Variants in ACSS3 observed in about 807,000 individuals in gnomAD.
The protein encoded by ACSS3 is acyl-CoA synthetase short chain family member 3.
A neutral mutation model predicts 84.2 loss-of-function variants in ACSS3; 64 were observed. The observed-to-expected ratio is 0.76, with a 90% confidence interval of 0.62 to 0.94. The LOEUF is 0.94. ACSS3 is among the 40% of genes least tolerant of loss of function. The pLI is 0.00. For synonymous variants in ACSS3, 317 were observed against 310.1 expected (o/e 1.02, Z -0.23); for missense variants, 815 against 867.6 (o/e 0.94, Z 0.76).
rs1047531676 is a variant in ACSS3, at chr12:81,249,299, G to A, written c.1720-4008G>A. ...TTTTCATGTGAAGAAACCTTCAGGC[G>A]TTTTCATACAAAGAAATGTACAGGA... On this transcript the variant is annotated intron_variant, in intron 13 of 15. Transcript: ENST00000548058. Among the ~76,000 whole-genome samples the A allele has an allele frequency of 6.6e-5, 10 of 152,062 alleles. No homozygotes were observed. The East Asian group carries it at 7.7e-4, about 12-fold the overall frequency.
chr12:81,102,008 T>C (rs939314289), intron 1 of ACSS3, among the ~76,000 whole-genome samples: 1 of 151,718 alleles, frequency 6.6e-6, no homozygotes, highest in African/African-American at 2.4e-5. Context: ...GCTCTCCCCA[T>C]ACCCTGGCTT....
intron 2 of ACSS3, among the ~76,000 whole-genome samples, chr12:81,132,841 G>C (rs965330993): frequency 6.6e-6 from 1 of 152,086 alleles, no homozygotes; most frequent in Non-Finnish European, 1.5e-5. Context: ...AGCTATTCTC[G>C]TTGGTCTCTC....
Position 81,253,559 on chromosome 12 carries a change from C to T in ACSS3, c.1884C>T (p.Gly628=), listed in dbSNP as rs758417997. The T allele has an allele frequency of 3.7e-6, 6 of 1,613,912 alleles. No homozygotes were observed. The highest frequency in any genetic ancestry group is 4.5e-5 in the East Asian group (2 of 44,858). The change falls in exon 15 of 16, where the codon GGC becomes GGT. Residue 628 remains glycine, a synonymous_variant. Coordinates refer to ENST00000548058, the MANE Select transcript of ACSS3 (RefSeq NM_024560.4). ...TGAAACACGTTAGACAGAACATTGG[C>T]CCTGTGGCTGCTTTTCGAAATGCAG... ...EIVKHVRQNI[G]PVAAFRNAVF...
intron 9 of ACSS3, among the ~76,000 whole-genome samples, chr12:81,215,590 C>T (rs1412187896): frequency 2.6e-5 from 4 of 152,096 alleles, no homozygotes; most frequent in Non-Finnish European, 4.4e-5. Context: ...AAGATGGATG[C>T]CTTTAATTTT....
intron 5 of ACSS3, among the ~76,000 whole-genome samples, chr12:81,151,209 A>C (rs185961153): frequency 6.6e-6 from 1 of 152,292 alleles, no homozygotes; most frequent in Admixed American, 6.5e-5. Context: ...CAATGATATA[A>C]TGATCCCTAC....
At chr12:81,091,767 C>CT (rs1346646549) in intron 1 of ACSS3, among the ~76,000 whole-genome samples, 1 of 152,196 alleles carries the variant, frequency 6.6e-6, no homozygotes, top group East Asian at 1.9e-4. Context: ...TGATTTTACT[C>CT]TAAGTGTGCA....
At chr12:81,199,650 T>G in intron 9 of ACSS3, 2 of 1,484,864 alleles carry the variant, frequency 1.3e-6, no homozygotes, top group Non-Finnish European at 1.8e-6. Context: ...ACCATTCTCT[T>G]GGTCCCTAGG....
intron 1 of ACSS3, among the ~76,000 whole-genome samples, chr12:81,104,531 G>T (rs574247139): frequency 6.6e-6 from 1 of 152,098 alleles, no homozygotes; most frequent in Non-Finnish European, 1.5e-5. Context: ...TTTATGTGGG[G>T]AGCTGAAACT....
rs2034212645 is a variant in ACSS3 at position 81,253,374 on chromosome 12, A to G, written c.1787A>G (p.His596Arg). 3 of 1,613,966 alleles carry G rather than the reference A, an allele frequency of 1.9e-6. No homozygotes were observed. Among genetic ancestry groups the G allele is most frequent in the African/African-American group, 1.3e-5 (1 of 75,034 alleles). ...GGCAAGGAAGATCCCTTAAAAGGTC[A>G]TGTCCCCTTAGCACTCTGTGTATTG... ...VVGKEDPLKGHVPLALCVLRK... is the reference protein window; with the variant it reads ...VVGKEDPLKGRVPLALCVLRK... The change falls in exon 14 of 16, where the codon CAT becomes CGT. Residue 596 changes from histidine to arginine, a missense_variant. Coordinates refer to ENST00000548058, the MANE Select transcript of ACSS3 (RefSeq NM_024560.4).
At chr12:81,233,726 A>C (rs1056658368) in intron 13 of ACSS3, among the ~76,000 whole-genome samples, 1 of 151,540 alleles carries the variant, frequency 6.6e-6, no homozygotes, top group Non-Finnish European at 1.5e-5. Flanking sequence ...GCCTGTGTAC[A>C]TTTGCTTCTT....
At chr12:81,197,505 T>A (rs2031894527) in intron 8 of ACSS3, among the ~76,000 whole-genome samples, 1 of 152,158 alleles carries the variant, frequency 6.6e-6, no homozygotes, top group Non-Finnish European at 1.5e-5. Context: ...TCAGACCTCC[T>A]TTAGCCTCTT....
intron 1 of ACSS3, among the ~76,000 whole-genome samples, chr12:81,086,265 A>AC (rs1254130493): frequency 1.3e-5 from 2 of 151,844 alleles, no homozygotes; most frequent in Admixed American, 6.6e-5. Context: ...TAAAATATAA[A>AC]ATCATCATTA....
chr12:81,258,203 C>T lies in ACSS3; in HGVS notation c.*3281C>T, dbSNP rs1370872801. ...TTTGGGTCACCCAAAGAACACATTT[C>T]CTGATAGTTTAAGTAAATTGTCGAG... On this transcript the variant is annotated 3_prime_UTR_variant, in exon 16 of 16. Transcript: ENST00000548058. 1 of 152,036 alleles carries T rather than the reference C, an allele frequency of 6.6e-6. No individual in the cohort carries two copies. Among genetic ancestry groups the T allele is most frequent in the African/African-American group, 2.4e-5 (1 of 41,414 alleles). 9.4% of individuals were successfully genotyped at this position (152,036 alleles called of 1,614,324 possible).
intron 9 of ACSS3, among the ~76,000 whole-genome samples, chr12:81,206,684 G>T (rs1025017211): frequency 2.0e-5 from 3 of 152,028 alleles, no homozygotes; most frequent in African/African-American, 4.8e-5. Context: ...TTCTCATTTA[G>T]AGTAGTCTTC....
chr12:81,113,662 G>A (rs1489546431), intron 2 of ACSS3, among the ~76,000 whole-genome samples: 1 of 152,084 alleles, frequency 6.6e-6, no homozygotes, highest in African/African-American at 2.4e-5. Context: ...AAATTTCCAA[G>A]TGACTCTAGC....
intron 3 of ACSS3, among the ~76,000 whole-genome samples, chr12:81,135,472 A>G (rs907012972): frequency 1.4e-5 from 2 of 147,348 alleles, no homozygotes; most frequent in Admixed American, 6.9e-5. Context: ...AAATATATAC[A>G]CACACACACA....
intron 5 of ACSS3, among the ~76,000 whole-genome samples, chr12:81,144,017 G>A (rs1369489760): frequency 1.3e-5 from 2 of 152,166 alleles, no homozygotes; most frequent in African/African-American, 4.8e-5. Flanking sequence ...TAGAATTTTA[G>A]TAGGGGACGG....
At chr12:81,231,512 C>T (rs1411236412) in intron 12 of ACSS3, among the ~76,000 whole-genome samples, 1 of 151,802 alleles carries the variant, frequency 6.6e-6, no homozygotes, top group East Asian at 1.9e-4. Context: ...TTATATAATG[C>T]CATTAGGACC....
intron 8 of ACSS3, among the ~76,000 whole-genome samples, chr12:81,184,805 C>T (rs531256766): frequency 1.6e-4 from 25 of 151,704 alleles, no homozygotes; most frequent in African/African-American, 5.8e-4. Context: ...TTTTACCAAA[C>T]ATTCAAAAAT....
Sources: gnomAD v4.1 joint callset for allele counts (sites outside exome capture counted in the v4.1 genomes callset) on GRCh38, gnomAD v4.1.1 for gene constraint, MANE v1.5 for transcripts, NCBI Gene and HGNC (gene_info 2026-07-23, HGNC 2026-07-21) for gene names.